GPC6: variants seen among roughly 807,000 people sequenced by gnomAD.
GPC6 encodes glypican-6.
A neutral mutation model predicts 55.2 loss-of-function variants in GPC6; 14 were observed. That is an observed-to-expected ratio of 0.25 (90% CI 0.17 to 0.40). The LOEUF is 0.40. GPC6 is among the 10% of genes least tolerant of loss of function. GPC6 has a pLI of 1.00. For missense variants in GPC6, 641 were observed against 708.5 expected (o/e 0.90, Z 1.08); for synonymous variants, 278 against 259.6 (o/e 1.07, Z -0.68).
chr13:93,411,409 C>T (rs947462173), intron 1 of GPC6, among the ~76,000 whole-genome samples: 1 of 152,162 alleles, frequency 6.6e-6, no homozygotes, highest in African/African-American at 2.4e-5. Flanking sequence ...GTCTGATTAT[C>T]TTAGTGGCTA....
intron 3 of GPC6, among the ~76,000 whole-genome samples, chr13:93,899,787 G>T (rs991447683): frequency 2.0e-5 from 3 of 152,054 alleles, no homozygotes; most frequent in African/African-American, 7.2e-5. Flanking sequence ...GTCTGTCAAG[G>T]CCTTTGAGGA....
chr13:93,731,378 T>G (rs1304154789), intron 2 of GPC6, among the ~76,000 whole-genome samples: 8 of 152,122 alleles, frequency 5.3e-5, no homozygotes, highest in African/African-American at 1.9e-4. Flanking sequence ...GTAGGAAGCT[T>G]ACTGAGTCTT....
At chr13:93,999,885 C>T (rs1210016935) in intron 3 of GPC6, among the ~76,000 whole-genome samples, 1 of 152,120 alleles carries the variant, frequency 6.6e-6, no homozygotes, top group Non-Finnish European at 1.5e-5. Context: ...ACATTATTGG[C>T]ATATATTGAA....
At chr13:93,223,853 T>A (rs967975096), upstream of GPC6, among the ~76,000 whole-genome samples, 5 of 151,382 alleles carry the variant, frequency 3.3e-5, no homozygotes, top group Non-Finnish European at 7.4e-5. Context: ...CCATTTTCCA[T>A]CGTCCTATTC....
intron 3 of GPC6, among the ~76,000 whole-genome samples, chr13:93,881,853 A>G (rs1394849907): frequency 1.3e-5 from 2 of 152,074 alleles, no homozygotes; most frequent in Non-Finnish European, 2.9e-5. Flanking sequence ...CCTGGCTTCC[A>G]TGATCTGCCA....
intron 1 of GPC6, among the ~76,000 whole-genome samples, chr13:93,327,819 G>A (rs1879710550): frequency 1.3e-5 from 2 of 151,820 alleles, no homozygotes; most frequent in South Asian, 2.1e-4. Flanking sequence ...AAATGCAAAT[G>A]TCTAATAAAA....
intron 2 of GPC6, among the ~76,000 whole-genome samples, chr13:93,777,201 A>G (rs1885498437): frequency 6.6e-6 from 1 of 152,228 alleles, no homozygotes; most frequent in Non-Finnish European, 1.5e-5. Context: ...CGGTTGAAAC[A>G]GGCGATCAAG....
At chr13:93,922,041 A>T (rs1877601363) in intron 3 of GPC6, among the ~76,000 whole-genome samples, 1 of 152,190 alleles carries the variant, frequency 6.6e-6, no homozygotes, top group African/African-American at 2.4e-5. Context: ...CTAAGAAAAT[A>T]TTTTGAACTT....
At chr13:93,356,738 T>C (rs2139171737) in intron 1 of GPC6, among the ~76,000 whole-genome samples, 1 of 152,322 alleles carries the variant, frequency 6.6e-6, no homozygotes, top group Middle Eastern at 3.4e-3. Context: ...AGGTGTATCT[T>C]TTGATCTTTT....
intron 4 of GPC6, among the ~76,000 whole-genome samples, chr13:94,163,482 C>G (rs966887158): frequency 1.3e-5 from 2 of 152,098 alleles, no homozygotes; most frequent in South Asian, 2.1e-4. Flanking sequence ...ATCATCACAT[C>G]TTTAAAACAT....
chr13:94,359,662 C>CTT lies in GPC6; in HGVS notation c.1153-22742_1153-22741dup, dbSNP rs35484045. Among the ~76,000 whole-genome samples the CTT allele has an allele frequency of 5.6e-3, 824 of 146,760 alleles. 4 individuals carry two copies. Among genetic ancestry groups the CTT allele is most frequent in the African/African-American group, 0.019 (767 of 40,442 alleles). ...CATTCAGAGCTCCTTTTGCTGAGAC[C>CTT]TTTTTTTTTTTGAAGAGATAAAGGC... On this transcript the variant is annotated intron_variant, in intron 6 of 8. Transcript: ENST00000377047.
At chr13:94,023,734 TC>T (rs1175121108) in intron 3 of GPC6, among the ~76,000 whole-genome samples, 1 of 152,012 alleles carries the variant, frequency 6.6e-6, no homozygotes, top group Non-Finnish European at 1.5e-5. Flanking sequence ...CAGATATCCT[TC>T]AGTGGGAGAG....
At chr13:93,986,199 G>T (rs1478814401) in intron 3 of GPC6, among the ~76,000 whole-genome samples, 1 of 152,062 alleles carries the variant, frequency 6.6e-6, no homozygotes, top group African/African-American at 2.4e-5. Flanking sequence ...AGAATTTAAT[G>T]CACGTAACAA....
intron 7 of GPC6, among the ~76,000 whole-genome samples, chr13:94,396,308 G>A (rs140037512): frequency 1.3e-5 from 2 of 152,112 alleles, no homozygotes; most frequent in African/African-American, 4.8e-5. Flanking sequence ...TTAGAAAAAC[G>A]CACCCAGATG....
chr13:93,675,718 A>T (rs1356590714), intron 2 of GPC6, among the ~76,000 whole-genome samples: 1 of 152,116 alleles, frequency 6.6e-6, no homozygotes, highest in Non-Finnish European at 1.5e-5. Context: ...CCCTCAGACT[A>T]TTTTAACCCA....
chr13:93,295,641 C>T (rs770635019), intron 1 of GPC6, among the ~76,000 whole-genome samples: 9 of 151,858 alleles, frequency 5.9e-5, no homozygotes, highest in Non-Finnish European at 8.8e-5. Flanking sequence ...CTACTGCGCT[C>T]GGGTAATTTT....
At chr13:93,479,188 G>T (rs189735310) in intron 1 of GPC6, among the ~76,000 whole-genome samples, 1 of 152,254 alleles carries the variant, frequency 6.6e-6, no homozygotes, top group African/African-American at 2.4e-5. Flanking sequence ...TTCAAAAAAT[G>T]TGAATTTAGC....
In GPC6 at chr13:93,744,528, C is replaced by CTTTTTTTTTTT. The variant is rs71736430; in HGVS notation, c.320-85610_320-85600dup. On this transcript the variant is annotated intron_variant, in intron 2 of 8. Transcript: ENST00000377047. ...TTCCTCCAAACCTGCTTTCCCTAGT[C>CTTTTTTTTTTT]TTTTTTTTTTTTTTTTTTTTTTTTT... Among the ~76,000 whole-genome samples, 49 of 97,214 alleles carry CTTTTTTTTTTT rather than the reference C, an allele frequency of 5.0e-4. 5 individuals carry two copies. Among genetic ancestry groups the CTTTTTTTTTTT allele is most frequent in the Admixed American group, 1.2e-3 (10 of 8,536 alleles). The allele number at this position is 97,214 out of a possible 152,430, so 63.8% of individuals were successfully genotyped here.
chr13:94,161,698 A>G (rs1417346932), intron 4 of GPC6, among the ~76,000 whole-genome samples: 3 of 152,176 alleles, frequency 2.0e-5, no homozygotes, highest in South Asian at 2.1e-4. Flanking sequence ...CATGCACAAG[A>G]CTAGGGTGTC....
Sources: allele counts gnomAD v4.1 joint callset (sites outside exome capture counted in the v4.1 genomes callset), GRCh38; gene constraint gnomAD v4.1.1; transcripts MANE v1.5; gene names NCBI Gene and HGNC (gene_info 2026-07-23, HGNC 2026-07-21).